EMX2: variants seen among roughly 807,000 people sequenced by gnomAD.
EMX2 encodes empty spiracles homeobox 2.
Under a neutral mutation model 23.0 loss-of-function variants are expected in EMX2, and 6 were observed. The observed-to-expected ratio is 0.26, with a 90% CI of 0.14 to 0.52. The LOEUF is 0.52. Ranked by LOEUF, EMX2 falls within the 20% of genes least tolerant of loss-of-function variation. The pLI, the probability that EMX2 is intolerant of heterozygous loss-of-function variation, is 0.97. For synonymous variants in EMX2, 175 were observed against 153.3 expected (o/e 1.14, Z -1.04); for missense variants, 302 against 341.4 (o/e 0.88, Z 0.91).
chr10:117,545,598 C>T, intron 1 of EMX2, 34 bp from the exon 2 acceptor site: 1 of 1,612,838 alleles, frequency 6.2e-7, no homozygotes, highest in Non-Finnish European at 8.5e-7. Context: ...CAGAGCAGCC[C>T]CCCCTAATGG....
chr10:117,548,409 G>A lies in EMX2; in HGVS notation c.*177G>A. 5 of 1,067,000 alleles carry A rather than the reference G, an allele frequency of 4.7e-6. No homozygotes were observed. The highest frequency in any genetic ancestry group is 5.3e-6 in the Non-Finnish European group (4 of 757,222). 66.1% of individuals were successfully genotyped at this position (1,067,000 alleles called of 1,614,324 possible). On this transcript the variant is annotated 3_prime_UTR_variant, in exon 3 of 3. Transcript: ENST00000553456. ...GAAGACTCTGGACAGCGAGGGCACA[G>A]GGTCCCAAACCGAGGCCGCGCCAAG...
chr10:117,543,231 G>A lies in EMX2; in HGVS notation c.-37G>A, dbSNP rs1846519172. On this transcript the variant is annotated 5_prime_UTR_variant, in exon 1 of 3. Transcript: ENST00000553456. ...GGAGGCAGCGTGCGGCGGTCGCCAG[G>A]AGCTGGGAGCCCAGGGCGCCCGCTC... is the stretch of plus-strand genomic sequence containing the variant. 1 of 1,401,728 alleles carries A rather than the reference G, an allele frequency of 7.1e-7. No homozygotes were observed. The highest frequency in any genetic ancestry group is 9.4e-7 in the Non-Finnish European group (1 of 1,062,300). 86.8% of individuals were successfully genotyped at this position (1,401,728 alleles called of 1,614,324 possible). A position where few individuals can be genotyped will look rare whatever the true frequency, so the allele number is the denominator to read the frequency against.
chr10:117,546,741 A>G (rs1272388274), intron 2 of EMX2, among the ~76,000 whole-genome samples: 1 of 152,214 alleles, frequency 6.6e-6, no homozygotes, highest in Non-Finnish European at 1.5e-5. Context: ...TGTGCGTGTC[A>G]AGCCCCGAGC....
Position 117,543,561 on chromosome 10 carries a change from C to A in EMX2, c.294C>A (p.Pro98=), listed in dbSNP as rs746455640. The part of the protein sequence containing the change: ...VPPPHALAAH[P]LPSSHSPHPL... ...CGCCGCACGCCCTGGCCGCCCACCC[C>A]CTACCCTCCTCGCACTCGCCACACC... is the stretch of plus-strand genomic sequence containing the variant. Residue 98 remains proline, a synonymous_variant, in exon 1 of 3, where the codon CCC becomes CCA. Coordinates refer to ENST00000553456, the MANE Select transcript of EMX2 (RefSeq NM_004098.4). 6.2e-7 allele frequency: 1 copy of A among 1,613,056 alleles called. No homozygotes were observed. Among genetic ancestry groups the A allele is most frequent in the East Asian group, 2.2e-5 (1 of 44,824 alleles).
At chr10:117,546,504 C>T (rs1846580376) in intron 2 of EMX2, among the ~76,000 whole-genome samples, 1 of 139,146 alleles carries the variant, frequency 7.2e-6, no homozygotes, top group South Asian at 2.5e-4. Context: ...AAGTTCCCAG[C>T]AAACAGTAAC....
In EMX2 at chr10:117,548,184, C is replaced by G; in HGVS notation, c.711C>G (p.Ala237=). The stretch of plus-strand genomic sequence containing the variant: ...ACCATATTAACCGGTGGAGAATCGC[C>G]ACCAAGCAGGCGAGTCCGGAGGAAA... ...GTHHINRWRI[A]TKQASPEEID... is the part of the protein sequence containing the mutation. Residue 237 remains alanine (A), a synonymous_variant, in exon 3 of 3, where the codon GCC becomes GCG. Transcript: ENST00000553456. 1 of 1,613,888 alleles carries G rather than the reference C, an allele frequency of 6.2e-7. No homozygotes were observed. The highest frequency in any genetic ancestry group is 8.5e-7 in the Non-Finnish European group (1 of 1,179,954).
rs959075545 is a variant in EMX2 at position 117,548,768 on chromosome 10, A to G, written c.*536A>G. On this transcript the variant is annotated 3_prime_UTR_variant, in exon 3 of 3. Coordinates refer to ENST00000553456, the MANE Select transcript of EMX2 (RefSeq NM_004098.4). Reference sequence around the variant, plus strand: ...TGTTTCCCCCCCATCTTTAAAAATAATTAGTAATAAAAAACAAAAATTCCA... The same window carrying G: ...TGTTTCCCCCCCATCTTTAAAAATAGTTAGTAATAAAAAACAAAAATTCCA... The G allele has an allele frequency of 4.9e-6, 2 of 405,804 alleles. No homozygotes were observed. The allele number at this position is 405,804 out of a possible 1,614,324, so 25.1% of individuals were successfully genotyped here. A position where few individuals can be genotyped will look rare whatever the true frequency, so the allele number is the denominator to read the frequency against.
chr10:117,548,399 C>T lies in EMX2; in HGVS notation c.*167C>T. 1 of 1,134,094 alleles carries T rather than the reference C, an allele frequency of 8.8e-7. No individual in the cohort carries two copies. The allele number at this position is 1,134,094 out of a possible 1,614,324, so 70.3% of individuals were successfully genotyped here. ...GGAATGCGGCGAAGACTCTGGACAGCGAGGGCACAGGGTCCCAAACCGAGG... is the reference window on the plus strand; with the variant it reads ...GGAATGCGGCGAAGACTCTGGACAGTGAGGGCACAGGGTCCCAAACCGAGG... On this transcript the variant is annotated 3_prime_UTR_variant, in exon 3 of 3. Transcript: ENST00000553456.
In EMX2 at chr10:117,548,641, G is replaced by A; in HGVS notation, c.*409G>A. On this transcript the variant is annotated 3_prime_UTR_variant, in exon 3 of 3. Transcript: ENST00000553456. The stretch of plus-strand genomic sequence containing the variant: ...ACCAAACCGGGGAGACAAGATGATT[G>A]GCAGGTATTCCGTTTATCACAGTCC... The A allele has an allele frequency of 2.2e-6, 1 of 463,266 alleles. No individual in the cohort carries two copies. Among genetic ancestry groups the A allele is most frequent in the Admixed American group, 3.8e-5 (1 of 26,382 alleles). 28.7% of individuals were successfully genotyped at this position (463,266 alleles called of 1,614,324 possible).
intron 2 of EMX2, among the ~76,000 whole-genome samples, chr10:117,547,070 A>G (rs909664993): frequency 2.6e-5 from 4 of 152,150 alleles, no homozygotes; most frequent in Non-Finnish European, 5.9e-5. Context: ...ACTGCTGTGA[A>G]GATTGGACTG....
Position 117,543,535 on chromosome 10 carries a change from C to A in EMX2, c.268C>A (p.Pro90Thr). The stretch of plus-strand genomic sequence containing the variant: ...CGCCGTGCCAGTGCACCCGGTGCCG[C>A]CGCCGCACGCCCTGGCCGCCCACCC... ...NPAVPVHPVPPPHALAAHPLP... is the reference protein window; with the variant it reads ...NPAVPVHPVPTPHALAAHPLP... Residue 90 changes from proline to threonine, a missense_variant, in exon 1 of 3, where the codon CCG (proline) becomes ACG (threonine). Transcript: ENST00000553456. 1 of 1,611,246 alleles carries A rather than the reference C, an allele frequency of 6.2e-7. No individual in the cohort carries two copies. Among genetic ancestry groups the A allele is most frequent in the Non-Finnish European group, 8.5e-7 (1 of 1,179,000 alleles).
At chr10:117,547,080 G>T (rs1438300281) in intron 2 of EMX2, among the ~76,000 whole-genome samples, 1 of 152,232 alleles carries the variant, frequency 6.6e-6, no homozygotes, top group Non-Finnish European at 1.5e-5. Flanking sequence ...AGATTGGACT[G>T]TGTTACTGTC....
rs1207813011 is a variant in EMX2 at position 117,549,026 on chromosome 10, A to T, written c.*794A>T. 7.5e-6 allele frequency: 1 copy of T among 132,616 alleles called. No homozygotes were observed. Among genetic ancestry groups the T allele is most frequent in the East Asian group, 2.6e-4 (1 of 3,896 alleles). The allele number at this position is 132,616 out of a possible 1,614,324, so 8.2% of individuals were successfully genotyped here. ...CAAGCTAAATGAAGTAGGCTCAGCG[A>T]TAGTGGTCCTCTTACAGAGAAACGG... On this transcript the variant is annotated 3_prime_UTR_variant, in exon 3 of 3. Coordinates refer to ENST00000553456, the MANE Select transcript of EMX2 (RefSeq NM_004098.4).
Position 117,548,281 on chromosome 10 carries a change from C to A in EMX2, c.*49C>A, listed in dbSNP as rs1343053153. ...AACGGACAACATGGAGCAAAAGAGA[C>A]AGGGAGAGGTGGAGAAGGAAAAAAC... On this transcript the variant is annotated 3_prime_UTR_variant, in exon 3 of 3. Coordinates refer to ENST00000553456, the MANE Select transcript of EMX2 (RefSeq NM_004098.4). The A allele has an allele frequency of 1.9e-6, 3 of 1,605,648 alleles. No homozygotes were observed. The Admixed American group carries it at 5.1e-5, about 27-fold the overall frequency.
chr10:117,545,771 C>T lies in EMX2; in HGVS notation c.546C>T (p.Ala182=), dbSNP rs424112. The T allele has an allele frequency of 1.9e-6, 3 of 1,613,950 alleles. No homozygotes were observed. Among genetic ancestry groups the T allele is most frequent in the South Asian group, 1.1e-5 (1 of 91,090 alleles). Residue 182 remains alanine, a synonymous_variant, in exon 2 of 3, where the codon GCC becomes GCT. Coordinates refer to ENST00000553456, the MANE Select transcript of EMX2 (RefSeq NM_004098.4). Reference sequence around the variant, plus strand: ...AGAAGAATCACTACGTGGTGGGCGCCGAAAGGAAGCAGCTGGCACACAGCC... The same window carrying T: ...AGAAGAATCACTACGTGGTGGGCGCTGAAAGGAAGCAGCTGGCACACAGCC... ...AFEKNHYVVG[A]ERKQLAHSLS...
intron 1 of EMX2, 66 bp from the exon 2 acceptor site, chr10:117,545,566 G>C (rs1382732302): frequency 5.0e-6 from 8 of 1,600,782 alleles, no homozygotes; most frequent in Middle Eastern, 2.0e-4. Flanking sequence ...AGCCCGGCTC[G>C]GGAGAAGTGC....
At position 117,545,824 on chromosome 10, in the gene EMX2, C is replaced by A. The variant is rs1044374643; in HGVS notation, c.591+8C>A. ...AGCCTCACGGAAACTCAGGTGACTG[C>A]GGCCCGGGCGCGAGGAACCCATCTA... On this transcript the variant is annotated splice_region_variant and intron_variant, in intron 2 of 2. Transcript: ENST00000553456. The A allele has an allele frequency of 1.2e-6, 2 of 1,613,554 alleles. No homozygotes were observed. Among genetic ancestry groups the A allele is most frequent in the African/African-American group, 2.7e-5 (2 of 74,942 alleles).
chr10:117,545,565 C>A, intron 1 of EMX2, 67 bp from the exon 2 acceptor site: 1 of 1,598,804 alleles, frequency 6.3e-7, no homozygotes, highest in Non-Finnish European at 8.5e-7. Flanking sequence ...CAGCCCGGCT[C>A]GGGAGAAGTG....
rs546648466 is a variant in EMX2 at position 117,542,808 on chromosome 10, G to A, written c.-460G>A. 395 of 140,414 alleles carry A rather than the reference G, an allele frequency of 2.8e-3. No homozygotes were observed. The highest frequency in any genetic ancestry group is 4.5e-3 in the Non-Finnish European group (302 of 67,190). The allele number at this position is 140,414 out of a possible 1,614,324, so 8.7% of individuals were successfully genotyped here. On this transcript the variant is annotated 5_prime_UTR_variant, in exon 1 of 3. Coordinates refer to ENST00000553456, the MANE Select transcript of EMX2 (RefSeq NM_004098.4). Reference sequence around the variant, plus strand: ...TCCTTGGACTTAGGGCGCCCTGCCCGCCTTTTGCAGAGGAGAAAAAACTTT... The same window carrying A: ...TCCTTGGACTTAGGGCGCCCTGCCCACCTTTTGCAGAGGAGAAAAAACTTT...
Sources: gnomAD v4.1 joint callset for allele counts (sites outside exome capture counted in the v4.1 genomes callset) on GRCh38, gnomAD v4.1.1 for gene constraint, MANE v1.5 for transcripts, NCBI Gene and HGNC (gene_info 2026-07-23, HGNC 2026-07-21) for gene names.